The following SNX29 variants were observed in gnomAD, a reference collection of about 807,000 sequenced individuals.
SNX29 encodes the protein sorting nexin-29.
In SNX29, 78 loss-of-function variants were observed where a neutral mutation model predicts 102.1. The ratio of observed to expected loss-of-function variants is 0.76; its 90% CI spans 0.64 to 0.92. SNX29 has a LOEUF of 0.92. SNX29 is among the 40% of genes least tolerant of loss of function. SNX29 has a pLI of 0.00. For synonymous variants in SNX29, 580 were observed against 414.5 expected, an observed-to-expected ratio of 1.40 and a Z score of -4.85; for missense variants, 1,280 against 1,061.7, an observed-to-expected ratio of 1.21 and a Z score of -2.86.
intron 8 of SNX29, among the ~76,000 whole-genome samples, chr16:12,060,592 G>A (rs1458304631): frequency 6.6e-6 from 1 of 152,216 alleles, no homozygotes; most frequent in East Asian, 1.9e-4. Flanking sequence ...AACAGAGCAA[G>A]ACTCCAACTC....
At chr16:12,072,941 C>A (rs538329565) in intron 10 of SNX29, among the ~76,000 whole-genome samples, 2,272 of 152,214 alleles carry the variant, frequency 0.015, 43 homozygotes, top group Non-Finnish European at 0.018. Context: ...TCTAGATTTT[C>A]TAGTTTATTT....
In SNX29 at chr16:12,312,787, A is replaced by G. The variant is rs530002066; in HGVS notation, c.1782+34751A>G. 1.1e-4 allele frequency among the ~76,000 whole-genome samples: 17 copies of G among 152,168 alleles called. No individual in the cohort carries two copies. In the Middle Eastern group the frequency reaches 0.01, roughly 91 times the overall value. ...AACTGATATTCGTGATGTATTATTT[A>G]CTGTTAGGCAATGGAGATAGAGGAT... On this transcript the variant is annotated intron_variant, in intron 15 of 20. Coordinates refer to ENST00000566228, the MANE Select transcript of SNX29 (RefSeq NM_032167.5).
intron 3 of SNX29, among the ~76,000 whole-genome samples, chr16:12,018,989 A>G (rs1219923801): frequency 6.6e-6 from 1 of 151,988 alleles, no homozygotes; most frequent in East Asian, 1.9e-4. Context: ...TTACAATCTA[A>G]CCTTTTAAAA....
At chr16:12,146,122 C>T (rs12443524) in intron 13 of SNX29, among the ~76,000 whole-genome samples, 28,462 of 152,160 alleles carry the variant, frequency 0.19, 3,065 homozygotes, top group East Asian at 0.46. Context: ...GTTTCCACCT[C>T]GATTTGCATT....
chr16:12,305,739 G>T (rs2080317801), intron 15 of SNX29, among the ~76,000 whole-genome samples: 1 of 152,112 alleles, frequency 6.6e-6, no homozygotes, highest in Non-Finnish European at 1.5e-5. Flanking sequence ...CTTCTGAATG[G>T]TGCCATTCCT....
At chr16:12,370,700 G>A (rs1214789566) in intron 16 of SNX29, among the ~76,000 whole-genome samples, 4 of 152,182 alleles carry the variant, frequency 2.6e-5, no homozygotes, top group African/African-American at 7.2e-5. Context: ...CCTGAAATGA[G>A]TTTATATAAT....
chr16:12,542,997 G>C (rs537980567), intron 20 of SNX29, among the ~76,000 whole-genome samples: 68 of 152,260 alleles, frequency 4.5e-4, no homozygotes, highest in South Asian at 2.3e-3. Context: ...ATGAAGTCCA[G>C]GGACTTGGCT....
intron 10 of SNX29, among the ~76,000 whole-genome samples, chr16:12,072,620 T>C (rs1005585697): frequency 6.6e-6 from 1 of 152,182 alleles, no homozygotes; most frequent in African/African-American, 2.4e-5. Context: ...GATATTGGTC[T>C]AAAATTCTCT....
At chr16:12,166,385 A>G (rs973615926) in intron 13 of SNX29, among the ~76,000 whole-genome samples, 1 of 152,178 alleles carries the variant, frequency 6.6e-6, no homozygotes, top group African/African-American at 2.4e-5. Flanking sequence ...GAAGAAATCT[A>G]TCCATGGGCT....
At position 12,471,575 on chromosome 16, in the gene SNX29, A is replaced by G. The variant is rs113996607; in HGVS notation, c.2038-6144A>G. Among the ~76,000 whole-genome samples the G allele has an allele frequency of 4.5e-3, 686 of 152,288 alleles. 13 individuals carry two copies. Among genetic ancestry groups the G allele is most frequent in the African/African-American group, 0.016 (648 of 41,552 alleles). On this transcript the variant is annotated intron_variant, in intron 18 of 20. Coordinates refer to ENST00000566228, the MANE Select transcript of SNX29 (RefSeq NM_032167.5). ...ATGACGATGTGTCAGGTCCACGTGG[A>G]TGTGTACCCACAGAGCCTTGGCACT...
chr16:12,089,314 G>C (rs2052386832), intron 11 of SNX29, among the ~76,000 whole-genome samples: 1 of 151,932 alleles, frequency 6.6e-6, no homozygotes, highest in East Asian at 1.9e-4. Context: ...CTGGGTGACA[G>C]AGCAAGACCG....
intron 19 of SNX29, among the ~76,000 whole-genome samples, chr16:12,522,342 C>A (rs12924666): frequency 0.28 from 42,017 of 152,060 alleles, 6,220 homozygotes; most frequent in African/African-American, 0.38. Context: ...AGGTGCCTCT[C>A]AAGAAAGACT....
intron 14 of SNX29, among the ~76,000 whole-genome samples, chr16:12,201,443 G>GT (rs1239638425): frequency 2.0e-5 from 3 of 152,206 alleles, no homozygotes; most frequent in Admixed American, 6.5e-5. Flanking sequence ...CTTGTGATGA[G>GT]TAGGTATTTT....
chr16:12,056,248 C>T lies in SNX29; in HGVS notation c.1124+4026C>T, dbSNP rs1047544629. ...GCTTGCTGATGCCACTGAGTGTAGCCCCATGGGTGAGGCTGGTGTGTGAGC... is the reference window on the plus strand; with the variant it reads ...GCTTGCTGATGCCACTGAGTGTAGCTCCATGGGTGAGGCTGGTGTGTGAGC... On this transcript the variant is annotated intron_variant, in intron 8 of 20. Coordinates refer to ENST00000566228, the MANE Select transcript of SNX29 (RefSeq NM_032167.5). Among the ~76,000 whole-genome samples the T allele has an allele frequency of 2.4e-4, 37 of 152,142 alleles. 1 individual carries two copies. The highest frequency in any genetic ancestry group is 3.2e-3 in the Middle Eastern group (1 of 316).
At chr16:12,416,931 A>G (rs1567541765) in intron 18 of SNX29, among the ~76,000 whole-genome samples, 1 of 151,742 alleles carries the variant, frequency 6.6e-6, no homozygotes, top group South Asian at 2.1e-4. Flanking sequence ...GGGGACAAAC[A>G]TATCAACCCC....
chr16:11,994,399 G>A (rs2055976985), intron 1 of SNX29, among the ~76,000 whole-genome samples: 2 of 152,326 alleles, frequency 1.3e-5, no homozygotes, highest in South Asian at 4.1e-4. Flanking sequence ...AGGAACATGG[G>A]GTTTGATCGC....
At chr16:12,020,692 C>G (rs969506013) in intron 3 of SNX29, among the ~76,000 whole-genome samples, 1 of 150,942 alleles carries the variant, frequency 6.6e-6, no homozygotes, top group Non-Finnish European at 1.5e-5. Context: ...GGTGCCATCT[C>G]GGCTCACTGC....
intron 18 of SNX29, among the ~76,000 whole-genome samples, chr16:12,424,741 G>T (rs1455841161): frequency 6.6e-6 from 1 of 152,160 alleles, no homozygotes; most frequent in Non-Finnish European, 1.5e-5. Context: ...GTAACAGACA[G>T]TATCTTCTCC....
At chr16:12,557,482 C>T (rs2078441780) in intron 20 of SNX29, 1 of 152,282 alleles carries the variant, frequency 6.6e-6, no homozygotes, top group South Asian at 2.1e-4. Context: ...CTGCTTCAGC[C>T]TCTTAAGTAG....
Sources: allele counts gnomAD v4.1 joint callset (sites outside exome capture counted in the v4.1 genomes callset), GRCh38; gene constraint gnomAD v4.1.1; transcripts MANE v1.5; gene names NCBI Gene and HGNC (gene_info 2026-07-23, HGNC 2026-07-21).